SHTN1: variants seen among roughly 807,000 people sequenced by gnomAD.
SHTN1 encodes the protein shootin-1.
Under a neutral mutation model 83.1 loss-of-function variants are expected in SHTN1, and 42 were observed. That is an observed-to-expected ratio of 0.51 (90% CI 0.39 to 0.65). SHTN1 has a LOEUF of 0.65. Among genes scored for constraint, SHTN1 ranks in the 30% least tolerant of loss-of-function variants. The pLI, the probability that SHTN1 is intolerant of heterozygous loss-of-function variation, is 0.00. For missense variants in SHTN1, 622 were observed against 737.8 expected (o/e 0.84, Z 1.82); for synonymous variants, 224 against 247.7 (o/e 0.90, Z 0.90).
chr10:117,078,870 CTA>C (rs570719148), intron 1 of SHTN1, among the ~76,000 whole-genome samples: 36 of 152,178 alleles, frequency 2.4e-4, no homozygotes, highest in African/African-American at 8.7e-4. Flanking sequence ...TCCATTTCAT[CTA>C]TGTTATCAAA....
At chr10:117,029,313 C>T (rs2420307) in intron 2 of SHTN1, among the ~76,000 whole-genome samples, 39,125 of 152,010 alleles carry the variant, frequency 0.26, 5,898 homozygotes, top group East Asian at 0.55. Flanking sequence ...TCTGATTTTA[C>T]AGGCTTATAT....
At chr10:116,915,222 A>C (rs1848343185) in intron 13 of SHTN1, among the ~76,000 whole-genome samples, 153 bp downstream of exon 13, 1 of 152,226 alleles carries the variant, frequency 6.6e-6, no homozygotes, top group Admixed American at 6.5e-5. Context: ...TCCTCCTGAA[A>C]CATGCTTATG....
chr10:116,902,899 T>C (rs901326994), intron 15 of SHTN1, among the ~76,000 whole-genome samples: 2 of 152,242 alleles, frequency 1.3e-5, no homozygotes, highest in African/African-American at 4.8e-5. Context: ...CTAGTGGGTA[T>C]AATCCAAAAT....
intron 7 of SHTN1, among the ~76,000 whole-genome samples, chr10:116,947,512 A>G: frequency 6.6e-6 from 1 of 152,148 alleles, no homozygotes; most frequent in East Asian, 1.9e-4. Flanking sequence ...AAGAGTGGTG[A>G]TTTTTTGGTG....
chr10:117,089,802 T>C (rs1216885533), intron 1 of SHTN1, among the ~76,000 whole-genome samples: 1 of 152,096 alleles, frequency 6.6e-6, no homozygotes, highest in African/African-American at 2.4e-5. Flanking sequence ...ATTTCATTCA[T>C]TATGGAAATA....
chr10:116,988,855 A>G (rs1851316288), intron 1 of SHTN1, among the ~76,000 whole-genome samples: 1 of 152,176 alleles, frequency 6.6e-6, no homozygotes, highest in Admixed American at 6.5e-5. Flanking sequence ...CTCATGCTTT[A>G]GTGTTTAAAA....
chr10:116,907,088 G>C (rs1297265906), intron 14 of SHTN1, among the ~76,000 whole-genome samples: 1 of 152,164 alleles, frequency 6.6e-6, no homozygotes, highest in Non-Finnish European at 1.5e-5. Context: ...GTGGAGAAGA[G>C]AATTGATATA....
At chr10:117,024,348 C>CTTTTTTTT (rs1174576153) in intron 2 of SHTN1, among the ~76,000 whole-genome samples, 9 of 77,710 alleles carry the variant, frequency 1.2e-4, no homozygotes, top group Admixed American at 1.7e-4. Context: ...CAAAACTTTT[C>CTTTTTTTT]TTTTTTTTTT....
intron 16 of SHTN1, chr10:116,901,171 C>T: frequency 1.0e-6 from 1 of 985,354 alleles, no homozygotes; most frequent in Non-Finnish European, 1.2e-6. Flanking sequence ...AAAGAGCTGC[C>T]ATTGTTATAA....
At chr10:116,902,002 G>T in intron 15 of SHTN1, 45 bp from the exon 16 acceptor site, 1 of 1,482,964 alleles carries the variant, frequency 6.7e-7, no homozygotes, top group Non-Finnish European at 9.1e-7. Context: ...TCTGTATGAT[G>T]CTTATTAATA....
At chr10:116,905,837 T>C (rs3824844) in intron 15 of SHTN1, among the ~76,000 whole-genome samples, 2,214 of 152,248 alleles carry the variant, frequency 0.015, 143 homozygotes, top group Admixed American at 0.12. Flanking sequence ...CTCATAAAGG[T>C]TTCCGTTAAT....
intron 6 of SHTN1, among the ~76,000 whole-genome samples, chr10:116,950,533 T>C (rs919424592): frequency 2.6e-5 from 4 of 152,154 alleles, no homozygotes; most frequent in Admixed American, 6.5e-5. Flanking sequence ...AATTGTTGAA[T>C]TGTCTTCCAA....
intron 12 of SHTN1, among the ~76,000 whole-genome samples, chr10:116,918,061 T>C (rs572431783): frequency 6.6e-6 from 1 of 152,182 alleles, no homozygotes; most frequent in Non-Finnish European, 1.5e-5. Flanking sequence ...ATGGTATGTT[T>C]TGTAATTCTT....
chr10:117,024,754 C>T (rs1012672136), intron 2 of SHTN1, among the ~76,000 whole-genome samples: 7 of 152,160 alleles, frequency 4.6e-5, no homozygotes, highest in Admixed American at 3.3e-4. Flanking sequence ...TTAAAATATA[C>T]TGAAGTCTTC....
intron 16 of SHTN1, among the ~76,000 whole-genome samples, chr10:116,886,847 TCTCTTCTCAGGAAGCGTAAAGCTCATG>T: frequency 6.6e-6 from 1 of 152,272 alleles, no homozygotes; most frequent in East Asian, 1.9e-4. Flanking sequence ...TTAATTGCAT[TCTCTTCTCAGGAAGCGTAAAGCTCATG>T]GACAAACTGT....
At chr10:117,059,264 TA>T (rs1852867918) in intron 1 of SHTN1, among the ~76,000 whole-genome samples, 3 of 152,150 alleles carry the variant, frequency 2.0e-5, no homozygotes, top group African/African-American at 4.8e-5. Context: ...GGTGAGAATG[TA>T]AAATATAGAG....
chr10:117,045,843 A>C (rs1276371351), intron 2 of SHTN1, among the ~76,000 whole-genome samples: 1 of 152,210 alleles, frequency 6.6e-6, no homozygotes, highest in Non-Finnish European at 1.5e-5. Flanking sequence ...TGGTATTTAA[A>C]GAACCCTTAA....
intron 16 of SHTN1, among the ~76,000 whole-genome samples, chr10:116,888,752 G>A (rs1018000838): frequency 6.6e-5 from 10 of 152,090 alleles, no homozygotes; most frequent in African/African-American, 2.4e-4. Flanking sequence ...TCATGCACAA[G>A]CTATAACAGA....
chr10:116,991,866 G>C (rs1402281301), intron 1 of SHTN1, among the ~76,000 whole-genome samples: 1 of 152,164 alleles, frequency 6.6e-6, no homozygotes, highest in Admixed American at 6.5e-5. Flanking sequence ...TGCAGGCCGG[G>C]CACTATGGCT....
Sources: gnomAD v4.1 joint callset for allele counts (sites outside exome capture counted in the v4.1 genomes callset) on GRCh38, gnomAD v4.1.1 for gene constraint, MANE v1.5 for transcripts, NCBI Gene and HGNC (gene_info 2026-07-23, HGNC 2026-07-21) for gene names.